KIF1A: variants seen among roughly 807,000 people sequenced by gnomAD.
KIF1A encodes the protein kinesin-like protein KIF1A.
In KIF1A, 46 loss-of-function variants were observed where a neutral mutation model predicts 227.3. That is an observed-to-expected ratio of 0.20 (90% CI 0.16 to 0.26). KIF1A has a LOEUF of 0.26. KIF1A is among the 10% of genes least tolerant of loss of function. The pLI, the probability that KIF1A is intolerant of heterozygous loss-of-function variation, is 1.00. For synonymous variants in KIF1A, 1,022 were observed against 1,012.8 expected (o/e 1.01, Z -0.17); for missense variants, 1,683 against 2,485.9 (o/e 0.68, Z 6.87).
chr2:240,720,389 C>T (rs577448086), intron 45 of KIF1A: 127 of 160,816 alleles, frequency 7.9e-4, no homozygotes, highest in South Asian at 1.4e-3. Context: ...GTCAAGGAGG[C>T]CTGCAGAAGA....
At chr2:240,770,222 C>T (rs561437072) in intron 15 of KIF1A, among the ~76,000 whole-genome samples, 1 of 152,320 alleles carries the variant, frequency 6.6e-6, no homozygotes, top group African/African-American at 2.4e-5. Context: ...AGTCTCCAGG[C>T]GTGTGGCTCA....
At chr2:240,815,701 G>A (rs2058265558) in intron 1 of KIF1A, among the ~76,000 whole-genome samples, 1 of 152,180 alleles carries the variant, frequency 6.6e-6, no homozygotes, top group South Asian at 2.1e-4. Flanking sequence ...GAGAAGTGGG[G>A]GGTAATGGGG....
At chr2:240,719,987 C>T (rs1559473950) in intron 45 of KIF1A, 61 bp from the exon 46 acceptor site, 1 of 1,513,084 alleles carries the variant, frequency 6.6e-7, no homozygotes, top group Non-Finnish European at 8.9e-7. Context: ...GCCGTCTTCC[C>T]CCAGGCTTCA....
chr2:240,784,665 G>T (rs572337610), intron 7 of KIF1A, among the ~76,000 whole-genome samples: 3 of 152,312 alleles, frequency 2.0e-5, no homozygotes, highest in East Asian at 3.9e-4. Context: ...GAGGGCAGGG[G>T]ACAGAGTAAG....
At chr2:240,786,835 CTG>C (rs2054997868) in intron 5 of KIF1A, among the ~76,000 whole-genome samples, 2 of 151,846 alleles carry the variant, frequency 1.3e-5, no homozygotes, top group African/African-American at 4.8e-5. Flanking sequence ...AGGGTGGGGG[CTG>C]CCTGCTGAGC....
Position 240,761,276 on chromosome 2 carries a change from T to C in KIF1A, c.2218A>G (p.Ile740Val), listed in dbSNP as rs2125894030. 1 of 1,613,898 alleles carries C rather than the reference T, an allele frequency of 6.2e-7. No individual in the cohort carries two copies. The highest frequency in any genetic ancestry group is 8.5e-7 in the Non-Finnish European group (1 of 1,179,844). ...ATGGCATTGGCCTCCTTGAGGAAGATGGCGTTGCCCCACAGCAGGTCCCGC... is the reference window on the plus strand; with the variant it reads ...ATGGCATTGGCCTCCTTGAGGAAGACGGCGTTGCCCCACAGCAGGTCCCGC... Reference protein sequence around the residue: ...SLRDLLWGNAIFLKEANAISV... With the variant: ...SLRDLLWGNAVFLKEANAISV... The change falls in exon 24 of 49, where the codon ATC becomes GTC. Residue 740 changes from isoleucine (I) to valine (V), a missense_variant. This residue lies in a region of KIF1A where 217 missense variants were observed against 427.0 expected (regional missense o/e 0.51). Coordinates refer to ENST00000498729, the MANE Select transcript of KIF1A (RefSeq NM_001244008.2).
At chr2:240,742,801 C>T (rs990945648) in intron 34 of KIF1A, 128 bp downstream of exon 34, 32 of 827,854 alleles carry the variant, frequency 3.9e-5, no homozygotes, top group African/African-American at 6.8e-5. Context: ...CTCAGGGTGG[C>T]GCCAGAGTGC....
At position 240,783,029 on chromosome 2, in the gene KIF1A, G is replaced by A; in HGVS notation, c.864+15C>T. 6.2e-7 allele frequency: 1 copy of A among 1,608,062 alleles called. No homozygotes were observed. The highest frequency in any genetic ancestry group is 8.5e-7 in the Non-Finnish European group (1 of 1,174,778). ...TCTGGGGTTCTGGCTATGGAAGCCGGGCCGGGCCACTCACCATTTCAGCCA... is the reference window on the plus strand; with the variant it reads ...TCTGGGGTTCTGGCTATGGAAGCCGAGCCGGGCCACTCACCATTTCAGCCA... On this transcript the variant is annotated intron_variant, in intron 9 of 48. Transcript: ENST00000498729.
intron 8 of KIF1A, among the ~76,000 whole-genome samples, 197 bp from the exon 9 acceptor site, chr2:240,783,306 T>C (rs2054309268): frequency 6.6e-6 from 1 of 152,118 alleles, no homozygotes; most frequent in Non-Finnish European, 1.5e-5. Flanking sequence ...TGTCCCCCAG[T>C]GTTGCCCTCA....
rs564589924 is a variant in KIF1A, at chr2:240,740,175, C to T, written c.3817-33G>A. On this transcript the variant is annotated intron_variant, in intron 36 of 48. Coordinates refer to ENST00000498729, the MANE Select transcript of KIF1A (RefSeq NM_001244008.2). The surrounding 1 kb of genome is among the most constrained non-coding windows in gnomAD (Gnocchi z 6.1). Reference sequence around the variant, plus strand: ...TGCCAGGTGAGAGGATATGGTCAGACGGCTCAGGGGGCTACGTAGGGTGAG... The same window carrying T: ...TGCCAGGTGAGAGGATATGGTCAGATGGCTCAGGGGGCTACGTAGGGTGAG... 22 of 1,584,066 alleles carry T rather than the reference C, an allele frequency of 1.4e-5. No homozygotes were observed. The highest frequency in any genetic ancestry group is 5.4e-5 in the African/African-American group (4 of 74,162).
intron 1 of KIF1A, among the ~76,000 whole-genome samples, chr2:240,814,239 T>A (rs553395295): frequency 2.9e-4 from 44 of 150,672 alleles, no homozygotes; most frequent in Middle Eastern, 3.5e-3. Context: ...CTTACACCCG[T>A]CGACATGAAG....
intron 48 of KIF1A, 105 bp from the exon 49 acceptor site, chr2:240,717,511 C>T (rs1416738367): frequency 2.0e-6 from 2 of 999,172 alleles, no homozygotes; most frequent in African/African-American, 1.6e-5. Flanking sequence ...AGCCACAGAC[C>T]CCATGTCCCC....
intron 20 of KIF1A, among the ~76,000 whole-genome samples, chr2:240,765,018 A>C (rs773632102): frequency 6.6e-6 from 1 of 152,212 alleles, no homozygotes; most frequent in Non-Finnish European, 1.5e-5. Flanking sequence ...ATTCCTTGAA[A>C]TAAATCTCTT....
chr2:240,719,635 C>T (rs2045037818), intron 46 of KIF1A, 139 bp downstream of exon 46: 3 of 1,033,948 alleles, frequency 2.9e-6, no homozygotes, highest in Non-Finnish European at 4.1e-6. Context: ...GCCTGAACCT[C>T]CAGTATGGGC....
At chr2:240,750,582 C>T (rs754802158) in intron 27 of KIF1A, 35 bp from the exon 28 acceptor site, 1 of 1,463,462 alleles carries the variant, frequency 6.8e-7, no homozygotes. Context: ...CATGGGCCAC[C>T]CCTCCACGCA....
rs1347950948 is a variant in KIF1A, at chr2:240,760,776, G to C, written c.2333C>G (p.Pro778Arg). The C allele has an allele frequency of 6.2e-7, 1 of 1,603,996 alleles. No homozygotes were observed. Among genetic ancestry groups the C allele is most frequent in the South Asian group, 1.1e-5 (1 of 89,288 alleles). ...CGTCTCTCGGTCTTTGGCGGCCTCT[G>C]GGGGCAGCAGGTCGGGTGGCAGAGG... ...YSPLPPDLLPPEAAKDRETRP... is the reference protein window; with the variant it reads ...YSPLPPDLLPREAAKDRETRP... The change falls in exon 25 of 49, where the codon CCA becomes CGA. Residue 778 changes from proline to arginine, a missense_variant. Physicochemically the swap from Pro to Arg is moderately radical, Grantham distance 103. Transcript: ENST00000498729.
Position 240,778,076 on chromosome 2 carries a change from A to G in KIF1A, c.883-2150T>C, listed in dbSNP as rs1039932790. ...CCTCAGCTCCTCCCGCTCCCCACGCACTTCCTCGCGTTTCTCCACACGGTT... is the reference window on the plus strand; with the variant it reads ...CCTCAGCTCCTCCCGCTCCCCACGCGCTTCCTCGCGTTTCTCCACACGGTT... On this transcript the variant is annotated intron_variant, in intron 10 of 48. Coordinates refer to ENST00000498729, the MANE Select transcript of KIF1A (RefSeq NM_001244008.2). This position sits in a 1 kb window ranked among gnomAD's most constrained non-coding sequence, Gnocchi z 7.2. Among the ~76,000 whole-genome samples, 4 of 151,718 alleles carry G rather than the reference A, an allele frequency of 2.6e-5. No individual in the cohort carries two copies. Among genetic ancestry groups the G allele is most frequent in the Admixed American group, 6.6e-5 (1 of 15,248 alleles).
At chr2:240,781,667 C>A (rs572273472) in intron 10 of KIF1A, 1 of 740,182 alleles carries the variant, frequency 1.4e-6, no homozygotes, top group African/African-American at 1.9e-5. Context: ...CAATTCCCCA[C>A]GCAGGTCCTC....
In KIF1A at chr2:240,788,028, C is replaced by G; in HGVS notation, c.363+23G>C. 1 of 1,473,518 alleles carries G rather than the reference C, an allele frequency of 6.8e-7. No homozygotes were observed. Among genetic ancestry groups the G allele is most frequent in the Non-Finnish European group, 9.3e-7 (1 of 1,078,848 alleles). 91.3% of individuals were successfully genotyped at this position (1,473,518 alleles called of 1,614,324 possible). A position where few individuals can be genotyped will look rare whatever the true frequency, so the allele number is the denominator to read the frequency against. ...TCCCGCCCCATCTGCCAGGGCTGCCCCCGCCCGCCCCCCGCTTCGTGCCTG... is the reference window on the plus strand; with the variant it reads ...TCCCGCCCCATCTGCCAGGGCTGCCGCCGCCCGCCCCCCGCTTCGTGCCTG... On this transcript the variant is annotated intron_variant, in intron 4 of 48. Coordinates refer to ENST00000498729, the MANE Select transcript of KIF1A (RefSeq NM_001244008.2). This position sits in a 1 kb window ranked among gnomAD's most constrained non-coding sequence, Gnocchi z 6.6.
Sources: allele counts gnomAD v4.1 joint callset (sites outside exome capture counted in the v4.1 genomes callset), GRCh38; gene constraint gnomAD v4.1.1; regional missense constraint gnomAD v4.1.1; non-coding constraint Gnocchi (gnomAD v3.1); transcripts MANE v1.5; gene names NCBI Gene and HGNC (gene_info 2026-07-23, HGNC 2026-07-21).